Variants in SLC4A7 observed in about 807,000 individuals in gnomAD.
The protein encoded by SLC4A7 is solute carrier family 4 member 7.
In SLC4A7, 51 loss-of-function variants were observed where a neutral mutation model predicts 137.6. The observed-to-expected ratio is 0.37, with a 90% CI of 0.30 to 0.47. The LOEUF is 0.47. SLC4A7 is among the 20% of genes least tolerant of loss of function. SLC4A7 has a pLI of 1.00. For missense variants in SLC4A7, 1,247 were observed against 1,525.4 expected, an observed-to-expected ratio of 0.82 and a Z score of 3.04; for synonymous variants, 542 against 518.6, an observed-to-expected ratio of 1.05 and a Z score of -0.61.
At chr3:27,454,549 G>A (rs1258839040) in intron 1 of SLC4A7, among the ~76,000 whole-genome samples, 2 of 152,130 alleles carry the variant, frequency 1.3e-5, no homozygotes. Flanking sequence ...TCAGTAACAA[G>A]GAAAAGCCAA....
At chr3:27,482,950 A>C (rs1183130574) in intron 1 of SLC4A7, among the ~76,000 whole-genome samples, 2 of 152,226 alleles carry the variant, frequency 1.3e-5, no homozygotes, top group African/African-American at 2.4e-5. Context: ...ACTACTTTCC[A>C]TAACCTTAAC....
Position 27,437,372 on chromosome 3 carries a change from G to A in SLC4A7, c.428+16C>T. 2 of 1,523,692 alleles carry A rather than the reference G, an allele frequency of 1.3e-6. No individual in the cohort carries two copies. Among genetic ancestry groups the A allele is most frequent in the Non-Finnish European group, 1.8e-6 (2 of 1,136,572 alleles). 94.4% of individuals were successfully genotyped at this position (1,523,692 alleles called of 1,614,324 possible). A position where few individuals can be genotyped will look rare whatever the true frequency, so the allele number is the denominator to read the frequency against. On this transcript the variant is annotated intron_variant, in intron 4 of 25. Coordinates refer to ENST00000454389, the MANE Select transcript of SLC4A7 (RefSeq NM_001321103.2). The stretch of plus-strand genomic sequence containing the variant: ...ATCTCAAAAAAAAAAAAGAGAGAGA[G>A]ACTTAGCAGTATTACCTAGCAGTTT...
intron 1 of SLC4A7, among the ~76,000 whole-genome samples, chr3:27,455,212 AAC>A (rs1402725485): frequency 6.6e-6 from 1 of 152,216 alleles, no homozygotes; most frequent in Non-Finnish European, 1.5e-5. Flanking sequence ...AGTGCTAGGA[AAC>A]AGTTTGAGAA....
chr3:27,455,966 T>G (rs1446391617), intron 1 of SLC4A7, among the ~76,000 whole-genome samples: 2 of 152,204 alleles, frequency 1.3e-5, no homozygotes, highest in Non-Finnish European at 2.9e-5. Flanking sequence ...AAATCAAATC[T>G]AGTTTTGTTA....
At chr3:27,426,113 C>T (rs568763848) in intron 7 of SLC4A7, among the ~76,000 whole-genome samples, 2 of 152,288 alleles carry the variant, frequency 1.3e-5, no homozygotes, top group South Asian at 2.1e-4. Flanking sequence ...TCTGGGTTTA[C>T]GGCTTACGCT....
intron 1 of SLC4A7, among the ~76,000 whole-genome samples, chr3:27,452,712 G>A (rs573836920): frequency 6.6e-6 from 1 of 152,216 alleles, no homozygotes; most frequent in African/African-American, 2.4e-5. Flanking sequence ...GAAGTGAAAT[G>A]GCAAAGATTT....
intron 3 of SLC4A7, among the ~76,000 whole-genome samples, chr3:27,438,570 A>C (rs1451846723): frequency 1.3e-5 from 2 of 150,712 alleles, no homozygotes; most frequent in Non-Finnish European, 3.0e-5. Flanking sequence ...CATAACATAA[A>C]ATAACAAAAT....
chr3:27,380,427 T>C (rs1452656561), intron 24 of SLC4A7, among the ~76,000 whole-genome samples: 2 of 152,048 alleles, frequency 1.3e-5, no homozygotes, highest in African/African-American at 2.4e-5. Context: ...ATAATATCCA[T>C]AAATAATTAA....
rs779647725 is a variant in SLC4A7 at position 27,385,886 on chromosome 3, T to G, written c.3492+6A>C. On this transcript the variant is annotated splice_donor_region_variant and intron_variant, in intron 23 of 25. Coordinates refer to ENST00000454389, the MANE Select transcript of SLC4A7 (RefSeq NM_001321103.2). ...TGGTGTAAGTTTAAAATTGTTATCT[T>G]TTTACCTCTTTCTCTTTTTTCTTTT... 4 of 1,528,316 alleles carry G rather than the reference T, an allele frequency of 2.6e-6. No homozygotes were observed. In the African/African-American group the frequency reaches 5.6e-5, roughly 21 times the overall value. The allele number at this position is 1,528,316 out of a possible 1,614,324, so 94.7% of individuals were successfully genotyped here.
At chr3:27,456,549 TA>T in intron 1 of SLC4A7, 1 of 826,268 alleles carries the variant, frequency 1.2e-6, no homozygotes, top group South Asian at 1.4e-5. Flanking sequence ...GATACTATTC[TA>T]AGCCAGTGCT....
chr3:27,427,675 G>A (rs2055786736), intron 7 of SLC4A7, among the ~76,000 whole-genome samples: 1 of 152,030 alleles, frequency 6.6e-6, no homozygotes, highest in South Asian at 2.1e-4. Flanking sequence ...CTCCATTAGA[G>A]TTTCTAGATG....
At chr3:27,394,858 T>C in intron 19 of SLC4A7, 89 bp from the exon 20 acceptor site, 1 of 1,540,208 alleles carries the variant, frequency 6.5e-7, no homozygotes, top group Non-Finnish European at 8.8e-7. Context: ...GGGAAGAAGC[T>C]AATTTTCATC....
chr3:27,471,351 G>C (rs2059238450), intron 1 of SLC4A7, among the ~76,000 whole-genome samples: 1 of 152,184 alleles, frequency 6.6e-6, no homozygotes. Flanking sequence ...AGCAGGCAGA[G>C]GCTAGTCAGG....
intron 24 of SLC4A7, among the ~76,000 whole-genome samples, chr3:27,381,370 T>C (rs1490472409): frequency 2.6e-5 from 4 of 152,232 alleles, no homozygotes; most frequent in African/African-American, 9.6e-5. Flanking sequence ...TGGTAGTTCC[T>C]ATACTCTTTT....
Position 27,389,976 on chromosome 3 carries a change from T to C in SLC4A7, c.3315A>G (p.Leu1105=), listed in dbSNP as rs755153470. The C allele has an allele frequency of 9.3e-6, 15 of 1,613,872 alleles. No homozygotes were observed. Among genetic ancestry groups the C allele is most frequent in the Non-Finnish European group, 1.3e-5 (15 of 1,179,944 alleles). The change falls in exon 22 of 26, where the codon TTA becomes TTG. Residue 1105 remains leucine, a synonymous_variant. Transcript: ENST00000454389. ...TVIQLTCLVL[L]WVIKVSAAAV... is the part of the protein sequence containing the mutation. ...CAGCAGCTGAAACTTTTATCACCCA[T>C]AAAAGGACCAAACAAGTAAGCTGAA...
intron 1 of SLC4A7, among the ~76,000 whole-genome samples, chr3:27,453,333 A>C (rs2058201741): frequency 6.6e-6 from 1 of 152,202 alleles, no homozygotes; most frequent in African/African-American, 2.4e-5. Flanking sequence ...AAGTCTTTGA[A>C]GCCGGGCCTG....
chr3:27,414,976 A>C (rs945277986), intron 11 of SLC4A7, among the ~76,000 whole-genome samples: 1 of 152,172 alleles, frequency 6.6e-6, no homozygotes, highest in Non-Finnish European at 1.5e-5. Flanking sequence ...CTTTTTCTAT[A>C]ATAATGATGG....
chr3:27,377,199 A>G (rs1482589519), intron 25 of SLC4A7, among the ~76,000 whole-genome samples: 1 of 152,148 alleles, frequency 6.6e-6, no homozygotes, highest in Non-Finnish European at 1.5e-5. Flanking sequence ...AAAATCTATT[A>G]ATATATGAAT....
At chr3:27,466,912 A>G (rs773634481) in intron 1 of SLC4A7, among the ~76,000 whole-genome samples, 5 of 152,180 alleles carry the variant, frequency 3.3e-5, no homozygotes, top group Non-Finnish European at 7.4e-5. Flanking sequence ...CTTTAGAAAT[A>G]TAAGTTGGGA....
Sources: allele counts gnomAD v4.1 joint callset (sites outside exome capture counted in the v4.1 genomes callset), GRCh38; gene constraint gnomAD v4.1.1; transcripts MANE v1.5; gene names NCBI Gene and HGNC (gene_info 2026-07-23, HGNC 2026-07-21).